Variants in TLN2 observed in about 807,000 individuals in gnomAD.
TLN2 encodes the protein talin-2.
In TLN2, 118 loss-of-function variants were observed where a neutral mutation model predicts 294.7. That is an observed-to-expected ratio of 0.40 (90% CI 0.34 to 0.47). TLN2 has a LOEUF of 0.47. Among genes scored for constraint, TLN2 ranks in the 20% least tolerant of loss-of-function variants. The pLI is 0.84. For synonymous variants in TLN2, 1,431 were observed against 1,304.5 expected (o/e 1.10, Z -2.09); for missense variants, 3,083 against 3,282.2 (o/e 0.94, Z 1.48).
At chr15:62,643,803 C>A (rs1253259576) in intron 3 of TLN2, among the ~76,000 whole-genome samples, 1 of 152,084 alleles carries the variant, frequency 6.6e-6, no homozygotes. Flanking sequence ...TTTCCGTGAA[C>A]CCAGACTTAG....
chr15:62,443,415 A>G (rs1397021273), intron 1 of TLN2, among the ~76,000 whole-genome samples: 1 of 152,210 alleles, frequency 6.6e-6, no homozygotes. Context: ...AAAGTTCTGC[A>G]TCTTTGTTAT....
At chr15:62,795,378 G>A (rs899230320) in intron 46 of TLN2, among the ~76,000 whole-genome samples, 6 of 152,172 alleles carry the variant, frequency 3.9e-5, no homozygotes, top group African/African-American at 9.7e-5. Flanking sequence ...TGTAAGCAGG[G>A]TGTTAGTGTG....
intron 3 of TLN2, among the ~76,000 whole-genome samples, chr15:62,640,000 A>G (rs1356624617): frequency 6.6e-6 from 1 of 152,156 alleles, no homozygotes; most frequent in African/African-American, 2.4e-5. Flanking sequence ...GCACCTGTCT[A>G]TGCCTGGCCT....
chr15:62,542,560 A>G (rs1391698037), intron 1 of TLN2, among the ~76,000 whole-genome samples: 2 of 152,208 alleles, frequency 1.3e-5, no homozygotes, highest in Non-Finnish European at 2.9e-5. Flanking sequence ...AATACTGTAT[A>G]TACTAGGATC....
chr15:62,618,716 A>T (rs1017028276), intron 3 of TLN2, among the ~76,000 whole-genome samples: 16 of 152,226 alleles, frequency 1.1e-4, no homozygotes, highest in African/African-American at 3.1e-4. Flanking sequence ...TGATTCCTCA[A>T]GCCTAGAGAA....
intron 34 of TLN2, among the ~76,000 whole-genome samples, chr15:62,750,917 C>T (rs1335863919): frequency 2.0e-5 from 3 of 152,034 alleles, no homozygotes; most frequent in Admixed American, 6.6e-5. Flanking sequence ...TACGTGGGAT[C>T]CTCTTATGTG....
intron 1 of TLN2, among the ~76,000 whole-genome samples, chr15:62,583,962 TTTC>T (rs2045368404): frequency 6.6e-6 from 1 of 152,220 alleles, no homozygotes; most frequent in Admixed American, 6.5e-5. Context: ...TGTGATCTCT[TTTC>T]TTGCCCTCCT....
chr15:62,719,716 G>T (rs190972859), intron 24 of TLN2, 51 bp from the exon 25 acceptor site: 2 of 1,437,336 alleles, frequency 1.4e-6, no homozygotes, highest in Admixed American at 4.4e-5. Flanking sequence ...AGCTTCTTTG[G>T]ATGGTCCCAC....
chr15:62,391,441 A>C (rs995340816), intron 1 of TLN2, among the ~76,000 whole-genome samples: 7 of 152,202 alleles, frequency 4.6e-5, no homozygotes, highest in Non-Finnish European at 7.3e-5. Flanking sequence ...ACGAGCTGAA[A>C]TTTTGCGCCC....
intron 19 of TLN2, among the ~76,000 whole-genome samples, chr15:62,706,045 A>G (rs1425506781): frequency 6.6e-6 from 1 of 152,240 alleles, no homozygotes. Flanking sequence ...CTCATAAAAT[A>G]TCTCACTGTA....
chr15:62,753,554 G>C (rs551706984), intron 35 of TLN2, among the ~76,000 whole-genome samples: 1 of 152,324 alleles, frequency 6.6e-6, no homozygotes, highest in African/African-American at 2.4e-5. Context: ...AGGACACTTT[G>C]TTCCATGAGC....
At chr15:62,816,783 A>G (rs992313540) in intron 52 of TLN2, among the ~76,000 whole-genome samples, 5 of 152,186 alleles carry the variant, frequency 3.3e-5, no homozygotes, top group Non-Finnish European at 5.9e-5. Context: ...AACAATGCCT[A>G]TGGACTGCTT....
chr15:62,718,273 C>T (rs561242024), intron 24 of TLN2, among the ~76,000 whole-genome samples: 14 of 152,308 alleles, frequency 9.2e-5, no homozygotes, highest in African/African-American at 3.1e-4. Context: ...TTGACTCCCC[C>T]AGGGCTCCTC....
intron 4 of TLN2, among the ~76,000 whole-genome samples, chr15:62,648,704 T>C (rs1306858491): frequency 6.6e-6 from 1 of 151,746 alleles, no homozygotes; most frequent in Non-Finnish European, 1.5e-5. Context: ...CACACCACCA[T>C]ACCCAGCTAA....
chr15:62,783,852 C>T lies in TLN2; in HGVS notation c.5698C>T (p.Gln1900Ter), dbSNP rs888257292. 2 of 1,613,938 alleles carry T rather than the reference C, an allele frequency of 1.2e-6. No individual in the cohort carries two copies. The highest frequency in any genetic ancestry group is 1.7e-6 in the Non-Finnish European group (2 of 1,179,960). Residue 1900 changes from glutamine to a stop codon, truncating the protein, a stop_gained, in exon 45 of 59, where the codon CAG becomes TAG. Coordinates refer to ENST00000636159, the MANE Select transcript of TLN2 (RefSeq NM_015059.3). LOFTEE classifies it high-confidence loss of function. ...MTSDYGHLAF[Q>*]GQMAAATAEP... ...CAGTGACTATGGGCACCTGGCTTTC[C>T]AGGGCCAGATGGCAGCAGCCACGGC...
intron 1 of TLN2, among the ~76,000 whole-genome samples, chr15:62,531,065 A>G (rs1026624770): frequency 1.3e-5 from 2 of 152,204 alleles, no homozygotes; most frequent in Non-Finnish European, 2.9e-5. Context: ...TAGACCCAGT[A>G]TTCCCACTTT....
intron 44 of TLN2, among the ~76,000 whole-genome samples, chr15:62,781,442 C>T (rs1298749338): frequency 6.6e-6 from 1 of 152,120 alleles, no homozygotes; most frequent in Non-Finnish European, 1.5e-5. Flanking sequence ...CAGTTCTTTT[C>T]TCATGAAAAA....
chr15:62,794,379 C>A (rs999076766), intron 46 of TLN2, among the ~76,000 whole-genome samples: 2 of 152,152 alleles, frequency 1.3e-5, no homozygotes, highest in Non-Finnish European at 2.9e-5. Context: ...ACTTGTCTGC[C>A]TTTGTGTCCT....
At chr15:62,794,954 G>C (rs906875685) in intron 46 of TLN2, among the ~76,000 whole-genome samples, 1 of 152,190 alleles carries the variant, frequency 6.6e-6, no homozygotes, top group Admixed American at 6.5e-5. Flanking sequence ...TGCACGCAGA[G>C]GTTAATACAA....
Sources: gnomAD v4.1 joint callset for allele counts (sites outside exome capture counted in the v4.1 genomes callset) on GRCh38, gnomAD v4.1.1 for gene constraint, MANE v1.5 for transcripts, NCBI Gene and HGNC (gene_info 2026-07-23, HGNC 2026-07-21) for gene names.